Variants in FCHSD2 observed in about 807,000 individuals in gnomAD.
FCHSD2 encodes FCH and double SH3 domains 2.
In FCHSD2, 38 loss-of-function variants were observed where a neutral mutation model predicts 108.1. That is an observed-to-expected ratio of 0.35 (90% CI 0.27 to 0.46). The LOEUF (loss-of-function observed/expected upper bound fraction) is 0.46. Ranked by LOEUF, FCHSD2 falls within the 20% of genes least tolerant of loss-of-function variation. FCHSD2 has a pLI of 1.00. For missense variants in FCHSD2, 751 were observed against 897.8 expected, an observed-to-expected ratio of 0.84 and a Z score of 2.09; for synonymous variants, 279 against 314.7, an observed-to-expected ratio of 0.89 and a Z score of 1.20.
At chr11:72,890,665 C>T (rs539160383) in intron 10 of FCHSD2, among the ~76,000 whole-genome samples, 5 of 151,842 alleles carry the variant, frequency 3.3e-5, no homozygotes, top group Non-Finnish European at 2.9e-5. Flanking sequence ...GAAAGTGCTT[C>T]ATATAACTTT....
At chr11:73,104,707 C>T (rs1435704239) in intron 2 of FCHSD2, among the ~76,000 whole-genome samples, 1 of 151,916 alleles carries the variant, frequency 6.6e-6, no homozygotes, top group East Asian at 1.9e-4. Context: ...TAGCTGGGAC[C>T]ACAGGCACGT....
chr11:73,064,815 C>T (rs897177139), intron 3 of FCHSD2, among the ~76,000 whole-genome samples: 2 of 152,054 alleles, frequency 1.3e-5, no homozygotes, highest in South Asian at 4.1e-4. Flanking sequence ...AGAAAGAAGT[C>T]GAATCCTTGA....
intron 13 of FCHSD2, among the ~76,000 whole-genome samples, chr11:72,851,709 C>T (rs1861293808): frequency 6.6e-6 from 1 of 152,060 alleles, no homozygotes; most frequent in African/African-American, 2.4e-5. Context: ...TGCCACTGCA[C>T]TCCGGCCTGG....
intron 8 of FCHSD2, among the ~76,000 whole-genome samples, chr11:72,945,567 A>G (rs1171541958): frequency 6.6e-6 from 1 of 152,330 alleles, no homozygotes; most frequent in Non-Finnish European, 1.5e-5. Context: ...ATTAAACTAA[A>G]GAGCTTCTGC....
chr11:72,867,042 T>C lies in FCHSD2; in HGVS notation c.1308+823A>G, dbSNP rs143410428. 2.9e-4 allele frequency among the ~76,000 whole-genome samples: 44 copies of C among 152,338 alleles called. 1 individual carries two copies. Among genetic ancestry groups the C allele is most frequent in the Admixed American group, 1.7e-3 (26 of 15,300 alleles). ...TGTGCAGAGCAGAGAACCAGGAAGA[T>C]ATGGCAATTACATTCTAGAGAGGAA... On this transcript the variant is annotated intron_variant, in intron 13 of 19. Coordinates refer to ENST00000409418, the MANE Select transcript of FCHSD2 (RefSeq NM_014824.3).
intron 3 of FCHSD2, 66 bp downstream of exon 3, chr11:73,083,629 C>T: frequency 1.1e-6 from 1 of 949,064 alleles, no homozygotes. Context: ...TCTCCAAAAA[C>T]CATCTCTGTC....
chr11:72,993,385 T>C (rs1041170801), intron 5 of FCHSD2, among the ~76,000 whole-genome samples: 1 of 152,186 alleles, frequency 6.6e-6, no homozygotes, highest in East Asian at 1.9e-4. Context: ...GAAATACCAT[T>C]TGACCCAGCC....
intron 8 of FCHSD2, among the ~76,000 whole-genome samples, chr11:72,966,545 C>T (rs193038651): frequency 2.6e-5 from 4 of 152,296 alleles, no homozygotes; most frequent in East Asian, 1.9e-4. Flanking sequence ...CATAGCTTCA[C>T]TGCAAGCTCC....
intron 14 of FCHSD2, among the ~76,000 whole-genome samples, chr11:72,849,316 T>A (rs894378292): frequency 5.3e-5 from 8 of 152,180 alleles, no homozygotes; most frequent in Admixed American, 2.0e-4. Context: ...AAGGTACACA[T>A]ACACAGACAA....
chr11:73,018,607 A>G (rs1858026769), intron 3 of FCHSD2, among the ~76,000 whole-genome samples: 1 of 151,554 alleles, frequency 6.6e-6, no homozygotes, highest in African/African-American at 2.4e-5. Context: ...GATTGCATGG[A>G]TAAATGCCAC....
At chr11:72,876,362 C>T (rs1854970292) in intron 12 of FCHSD2, among the ~76,000 whole-genome samples, 1 of 152,038 alleles carries the variant, frequency 6.6e-6, no homozygotes, top group African/African-American at 2.4e-5. Flanking sequence ...ATAGTCAGCA[C>T]CCAGAATGGC....
rs570274903 is a variant in FCHSD2, at chr11:72,956,845, C to T, written c.705+27243G>A. Among the ~76,000 whole-genome samples the T allele has an allele frequency of 4.7e-5, 7 of 150,372 alleles. No homozygotes were observed. In the South Asian group the frequency reaches 1.5e-3, roughly 32 times the overall value. On this transcript the variant is annotated intron_variant, in intron 8 of 19. Transcript: ENST00000409418. The stretch of plus-strand genomic sequence containing the variant: ...AGTGGAAAAAAAAAAAAAACCAACC[C>T]TAGAAGACACCAAATTGACTAGGTG...
At chr11:72,929,532 G>A (rs1856147777) in intron 8 of FCHSD2, among the ~76,000 whole-genome samples, 1 of 152,268 alleles carries the variant, frequency 6.6e-6, no homozygotes, top group African/African-American at 2.4e-5. Flanking sequence ...TTCAAAGCAC[G>A]GGAAGTGGAT....
chr11:72,879,954 G>A (rs1855046653), intron 12 of FCHSD2, among the ~76,000 whole-genome samples: 1 of 145,432 alleles, frequency 6.9e-6, no homozygotes, highest in Non-Finnish European at 1.5e-5. Flanking sequence ...AGCCGAGATC[G>A]CGCCATCGCA....
intron 9 of FCHSD2, among the ~76,000 whole-genome samples, chr11:72,911,005 C>A (rs953001706): frequency 1.3e-5 from 2 of 152,042 alleles, no homozygotes; most frequent in African/African-American, 4.8e-5. Flanking sequence ...TTGATGTGAT[C>A]CCACTTGTCC....
At chr11:73,131,521 T>C (rs1861001655) in intron 2 of FCHSD2, among the ~76,000 whole-genome samples, 1 of 151,544 alleles carries the variant, frequency 6.6e-6, no homozygotes, top group Admixed American at 6.6e-5. Flanking sequence ...AGAGTGAGAC[T>C]TCGTCTCAAA....
rs1468672995 is a variant in FCHSD2 at position 73,006,962 on chromosome 11, G to C, written c.243-5828C>G. Among the ~76,000 whole-genome samples, 3 of 152,140 alleles carry C rather than the reference G, an allele frequency of 2.0e-5. No homozygotes were observed. In the East Asian group the frequency reaches 5.8e-4, roughly 29 times the overall value. ...TGACACAAGATTGTTCTTAGTCTCAGTAACAATGCTGAACATTAAAAAGGG... is the reference window on the plus strand; with the variant it reads ...TGACACAAGATTGTTCTTAGTCTCACTAACAATGCTGAACATTAAAAAGGG... On this transcript the variant is annotated intron_variant, in intron 4 of 19. Coordinates refer to ENST00000409418, the MANE Select transcript of FCHSD2 (RefSeq NM_014824.3).
intron 3 of FCHSD2, among the ~76,000 whole-genome samples, chr11:73,065,962 C>A (rs944150378): frequency 6.6e-6 from 1 of 152,166 alleles, no homozygotes; most frequent in Non-Finnish European, 1.5e-5. Context: ...CTATCCCCAT[C>A]AAGCTACCAC....
At chr11:72,856,689 A>G (rs1861436547) in intron 13 of FCHSD2, among the ~76,000 whole-genome samples, 1 of 152,310 alleles carries the variant, frequency 6.6e-6, no homozygotes, top group African/African-American at 2.4e-5. Flanking sequence ...CAAATTATTC[A>G]TCTATCATCA....
Sources: allele counts gnomAD v4.1 joint callset (sites outside exome capture counted in the v4.1 genomes callset), GRCh38; gene constraint gnomAD v4.1.1; transcripts MANE v1.5; gene names NCBI Gene and HGNC (gene_info 2026-07-23, HGNC 2026-07-21).